SUSD6: variants seen among roughly 807,000 people sequenced by gnomAD.
The protein encoded by SUSD6 is sushi domain containing 6, also known as sushi domain-containing protein 6.
SUSD6 carries 16 observed loss-of-function variants against 28.4 expected under a neutral mutation model. The ratio of observed to expected loss-of-function variants is 0.56; its 90% CI spans 0.38 to 0.86. The LOEUF (loss-of-function observed/expected upper bound fraction) is 0.86, where lower values mean the gene tolerates loss of function less well. Ranked by LOEUF, SUSD6 falls within the 40% of genes least tolerant of loss-of-function variation. The pLI, the probability that SUSD6 is intolerant of heterozygous loss-of-function variation, is 0.00. For missense variants in SUSD6, 341 were observed against 384.2 expected, an observed-to-expected ratio of 0.89 and a Z score of 0.94; for synonymous variants, 147 against 159.6, an observed-to-expected ratio of 0.92 and a Z score of 0.59.
chr14:69,637,630 G>A (rs1364768981), intron 1 of SUSD6, among the ~76,000 whole-genome samples: 1 of 152,130 alleles, frequency 6.6e-6, no homozygotes, highest in East Asian at 1.9e-4. Context: ...GGGTGATGTT[G>A]CCATCCCCAC....
At chr14:69,665,294 G>T (rs545523542) in intron 2 of SUSD6, among the ~76,000 whole-genome samples, 1 of 152,232 alleles carries the variant, frequency 6.6e-6, no homozygotes, top group East Asian at 1.9e-4. Flanking sequence ...AGGTTGGAGT[G>T]CAGTGGCTCT....
chr14:69,680,290 T>G (rs892367197), intron 2 of SUSD6, among the ~76,000 whole-genome samples: 1 of 152,156 alleles, frequency 6.6e-6, no homozygotes. Flanking sequence ...TGGTTGTGTT[T>G]GTGCTGGAGT....
chr14:69,616,996 G>C (rs767511857), intron 1 of SUSD6: 2 of 151,932 alleles, frequency 1.3e-5, no homozygotes, highest in Non-Finnish European at 2.9e-5. Flanking sequence ...CTCTATATAG[G>C]TTTGCCTATT....
rs1886492764 is a variant in SUSD6 at position 69,713,161 on chromosome 14, T to TC, written c.*2187dup. 1 of 152,228 alleles carries TC rather than the reference T, an allele frequency of 6.6e-6. No homozygotes were observed. Among genetic ancestry groups the TC allele is most frequent in the Admixed American group, 6.5e-5 (1 of 15,290 alleles). 9.4% of individuals were successfully genotyped at this position (152,228 alleles called of 1,614,324 possible). On this transcript the variant is annotated 3_prime_UTR_variant, in exon 6 of 6. Coordinates refer to ENST00000342745, the MANE Select transcript of SUSD6 (RefSeq NM_014734.4). ...TCTATCTTGTTACTCTGGGGTTTTG[T>TC]CCCCCTAAGAGATTGCACTTTTTGT...
In SUSD6 at chr14:69,701,147, A is replaced by G. The variant is rs559915232; in HGVS notation, c.122-2248A>G. On this transcript the variant is annotated intron_variant, in intron 2 of 5. Coordinates refer to ENST00000342745, the MANE Select transcript of SUSD6 (RefSeq NM_014734.4). Reference sequence around the variant, plus strand: ...GCACAGTGACCCCCTACTCAGAATCAGTAAGTATTAGTTGAATTGAAATTA... The same window carrying G: ...GCACAGTGACCCCCTACTCAGAATCGGTAAGTATTAGTTGAATTGAAATTA... 1.9e-4 allele frequency among the ~76,000 whole-genome samples: 29 copies of G among 152,090 alleles called. No individual in the cohort carries two copies. The South Asian group carries it at 5.2e-3, about 27-fold the overall frequency.
intron 2 of SUSD6, among the ~76,000 whole-genome samples, chr14:69,668,635 CAA>C (rs11462807): frequency 2.2e-5 from 3 of 138,044 alleles, no homozygotes; most frequent in Non-Finnish European, 1.5e-5. Flanking sequence ...GAATTCGTCT[CAA>C]AAAAAAAAAA....
At chr14:69,634,830 T>A in intron 1 of SUSD6, among the ~76,000 whole-genome samples, 1 of 152,212 alleles carries the variant, frequency 6.6e-6, no homozygotes, top group East Asian at 1.9e-4. Flanking sequence ...GATGAAGGGA[T>A]ATAACAAGCT....
intron 2 of SUSD6, among the ~76,000 whole-genome samples, chr14:69,675,215 TTGCTTCTATAAAAC>T (rs1885889882): frequency 6.6e-6 from 1 of 152,208 alleles, no homozygotes; most frequent in African/African-American, 2.4e-5. Flanking sequence ...TTTGCTCACC[TTGCTTCTATAAAAC>T]TGCTTAGTTC....
At chr14:69,649,095 T>TA in intron 1 of SUSD6, among the ~76,000 whole-genome samples, 1 of 152,318 alleles carries the variant, frequency 6.6e-6, no homozygotes, top group East Asian at 1.9e-4. Flanking sequence ...TAGCACTTTT[T>TA]AAAAAACCTT....
chr14:69,683,524 G>C (rs1297055909), intron 2 of SUSD6, among the ~76,000 whole-genome samples: 1 of 152,196 alleles, frequency 6.6e-6, no homozygotes, highest in African/African-American at 2.4e-5. Context: ...GGTCTGAGTT[G>C]ATGGAGGAAA....
At chr14:69,651,539 T>C (rs1308940553) in intron 1 of SUSD6, among the ~76,000 whole-genome samples, 1 of 152,172 alleles carries the variant, frequency 6.6e-6, no homozygotes, top group Non-Finnish European at 1.5e-5. Context: ...AAGTTAATAT[T>C]CTGGCCTGAA....
At chr14:69,612,724 G>A (rs934572100) in intron 1 of SUSD6, among the ~76,000 whole-genome samples, 3 of 152,194 alleles carry the variant, frequency 2.0e-5, no homozygotes, top group African/African-American at 7.2e-5. Context: ...AGTGGCAGGC[G>A]ACATGCTGGG....
At chr14:69,690,668 C>T (rs1288348524) in intron 2 of SUSD6, among the ~76,000 whole-genome samples, 1 of 152,222 alleles carries the variant, frequency 6.6e-6, no homozygotes, top group East Asian at 1.9e-4. Context: ...GAAGGCATGG[C>T]AAACTGCTTT....
intron 2 of SUSD6, among the ~76,000 whole-genome samples, chr14:69,677,927 G>C (rs1043400830): frequency 1.3e-5 from 2 of 152,292 alleles, no homozygotes; most frequent in South Asian, 2.1e-4. Flanking sequence ...ATGGAGACGA[G>C]TGTAATCACA....
chr14:69,698,697 GGTGGTGGAA>G (rs989061613), intron 2 of SUSD6, among the ~76,000 whole-genome samples: 5 of 152,328 alleles, frequency 3.3e-5, no homozygotes, highest in African/African-American at 1.2e-4. Context: ...AGGCGACGGA[GGTGGTGGAA>G]GTATCAGCTA....
At position 69,624,492 on chromosome 14, in the gene SUSD6, G is replaced by A. The variant is rs533079095; in HGVS notation, c.-81+12664G>A. Among the ~76,000 whole-genome samples the A allele has an allele frequency of 3.1e-4, 42 of 135,198 alleles. 1 individual carries two copies. In the East Asian group the frequency reaches 6.9e-3, roughly 22 times the overall value. 88.7% of individuals were successfully genotyped at this position (135,198 alleles called of 152,430 possible). ...TTTGAGAGGGAGTTTCGGTCTTGTT[G>A]CCCAGGCTGGAGTGCCATGGCCTGA... On this transcript the variant is annotated intron_variant, in intron 1 of 5. Transcript: ENST00000342745.
At chr14:69,703,300 T>C (rs894141258) in intron 2 of SUSD6, 95 bp from the exon 3 acceptor site, 1 of 950,750 alleles carries the variant, frequency 1.1e-6, no homozygotes, top group Non-Finnish European at 1.6e-6. Flanking sequence ...CCTCCTCCTG[T>C]GTTTCCTGTA....
chr14:69,672,461 G>T (rs1364539118), intron 2 of SUSD6, among the ~76,000 whole-genome samples: 4 of 152,206 alleles, frequency 2.6e-5, no homozygotes, highest in Non-Finnish European at 5.9e-5. Flanking sequence ...GAAGCAGAAG[G>T]CTAAGAAGAG....
intron 2 of SUSD6, among the ~76,000 whole-genome samples, chr14:69,667,638 C>A (rs1048799984): frequency 1.3e-5 from 2 of 151,972 alleles, no homozygotes; most frequent in African/African-American, 4.8e-5. Flanking sequence ...CCGCCTCAGC[C>A]TCCCAAAGTG....
Sources: gnomAD v4.1 joint callset for allele counts (sites outside exome capture counted in the v4.1 genomes callset) on GRCh38, gnomAD v4.1.1 for gene constraint, MANE v1.5 for transcripts, NCBI Gene and HGNC (gene_info 2026-07-23, HGNC 2026-07-21) for gene names.